The following SPHKAP variants were observed in gnomAD, a reference collection of about 807,000 sequenced individuals.
SPHKAP encodes SPHK1 interactor, AKAP domain containing.
Under a neutral mutation model 137.5 loss-of-function variants are expected in SPHKAP, and 67 were observed. That is an observed-to-expected ratio of 0.49 (90% CI 0.40 to 0.60). The LOEUF is 0.60. Ranked by LOEUF, SPHKAP falls within the 20% of genes least tolerant of loss-of-function variation. The pLI is 0.00. For missense variants in SPHKAP, 2,097 were observed against 2,069.3 expected (o/e 1.01, Z -0.26); for synonymous variants, 813 against 785.3 (o/e 1.04, Z -0.59).
At chr2:228,089,536 G>A (rs1455014419) in intron 3 of SPHKAP, among the ~76,000 whole-genome samples, 1 of 152,200 alleles carries the variant, frequency 6.6e-6, no homozygotes, top group African/African-American at 2.4e-5. Flanking sequence ...AAAGAGATTA[G>A]CATGACAAAA....
Position 228,170,820 on chromosome 2 carries a change from G to A in SPHKAP, c.32+10747C>T, listed in dbSNP as rs958726934. On this transcript the variant is annotated intron_variant, in intron 1 of 11. Transcript: ENST00000392056. ...GGAACCAAGCCTACCATATCGCTGG[G>A]GTATATCTCCTTTCCATCTTGTTTC... Among the ~76,000 whole-genome samples, 5 of 151,760 alleles carry A rather than the reference G, an allele frequency of 3.3e-5. 1 individual carries two copies. The highest frequency in any genetic ancestry group is 1.2e-4 in the African/African-American group (5 of 41,308).
At chr2:228,067,810 C>G (rs903391480) in intron 3 of SPHKAP, among the ~76,000 whole-genome samples, 2 of 152,066 alleles carry the variant, frequency 1.3e-5, no homozygotes, top group African/African-American at 4.8e-5. Flanking sequence ...ACAGTTGGTC[C>G]TCTGTATCTG....
chr2:227,992,118 C>T (rs553902207), intron 9 of SPHKAP, among the ~76,000 whole-genome samples: 6 of 152,202 alleles, frequency 3.9e-5, no homozygotes, highest in African/African-American at 1.4e-4. Flanking sequence ...AGTGGCTATC[C>T]TGGGAAGCCT....
Position 227,985,423 on chromosome 2 carries a change from T to C in SPHKAP, c.4960-3563A>G, listed in dbSNP as rs1396266445. 2.6e-5 allele frequency among the ~76,000 whole-genome samples: 4 copies of C among 152,204 alleles called. No homozygotes were observed. In the East Asian group the frequency reaches 7.7e-4, roughly 29 times the overall value. ...AAGTCAGAAAAGGACATTCTAGTTC[T>C]TTACCGGGCTTTTAAAACCATGTTT... On this transcript the variant is annotated intron_variant, in intron 11 of 11. Coordinates refer to ENST00000392056, the MANE Select transcript of SPHKAP (RefSeq NM_001142644.2).
intron 2 of SPHKAP, among the ~76,000 whole-genome samples, chr2:228,110,479 G>C (rs1319054455): frequency 6.6e-6 from 1 of 152,146 alleles, no homozygotes; most frequent in Admixed American, 6.5e-5. Context: ...GATTATTACT[G>C]CAGACTGACG....
intron 7 of SPHKAP, among the ~76,000 whole-genome samples, chr2:228,003,255 T>G (rs565060433): frequency 1.3e-5 from 2 of 152,330 alleles, no homozygotes; most frequent in South Asian, 4.1e-4. Context: ...AGCAGTGGTT[T>G]GTAGTTCTCC....
At chr2:228,141,718 A>G (rs1327245941) in intron 1 of SPHKAP, among the ~76,000 whole-genome samples, 2 of 152,194 alleles carry the variant, frequency 1.3e-5, no homozygotes, top group Non-Finnish European at 2.9e-5. Flanking sequence ...GTTCATGCGT[A>G]CAATTTTATA....
At chr2:228,107,822 C>T (rs1178499531) in intron 3 of SPHKAP, among the ~76,000 whole-genome samples, 1 of 152,144 alleles carries the variant, frequency 6.6e-6, no homozygotes, top group Non-Finnish European at 1.5e-5. Flanking sequence ...GAATCCTAGC[C>T]AGCAACTAAT....
At position 228,017,557 on chromosome 2, in the gene SPHKAP, G is replaced by A. The variant is rs1694655769; in HGVS notation, c.3297C>T (p.Ser1099=). Residue 1099 remains serine, a synonymous_variant, in exon 7 of 12, where the codon AGC becomes AGT. Coordinates refer to ENST00000392056, the MANE Select transcript of SPHKAP (RefSeq NM_001142644.2). The part of the protein sequence containing the change: ...EDSEARAYVN[S]LGLMSTLSQP... ...GGCTCAGCGTGCTCATTAAGCCCAG[G>A]CTGTTGACATAGGCCCTGGCCTCGG... 1.2e-6 allele frequency: 2 copies of A among 1,613,460 alleles called. No homozygotes were observed. The highest frequency in any genetic ancestry group is 1.3e-5 in the African/African-American group (1 of 74,914).
At chr2:228,036,993 C>G (rs1695640511) in intron 3 of SPHKAP, among the ~76,000 whole-genome samples, 1 of 152,020 alleles carries the variant, frequency 6.6e-6, no homozygotes, top group Admixed American at 6.6e-5. Flanking sequence ...TGTAACAAAC[C>G]TGCACATTGT....
chr2:228,132,676 C>G (rs949924676), intron 1 of SPHKAP: 3 of 159,650 alleles, frequency 1.9e-5, no homozygotes, highest in African/African-American at 7.2e-5. Flanking sequence ...GGCTTGACTA[C>G]GTACAGAGCT....
chr2:228,029,286 T>C (rs1695191216), intron 3 of SPHKAP, among the ~76,000 whole-genome samples: 1 of 152,236 alleles, frequency 6.6e-6, no homozygotes, highest in Non-Finnish European at 1.5e-5. Flanking sequence ...CCTGCAAATA[T>C]ATGGGGCTTT....
At chr2:228,176,610 C>T (rs1700748597) in intron 1 of SPHKAP, among the ~76,000 whole-genome samples, 1 of 152,234 alleles carries the variant, frequency 6.6e-6, no homozygotes, top group South Asian at 2.1e-4. Context: ...GCACGTGGCT[C>T]ACGCCTGTAA....
chr2:227,995,607 G>A lies in SPHKAP; in HGVS notation c.4536C>T (p.Ser1512=). 6.2e-7 allele frequency: 1 copy of A among 1,614,008 alleles called. No individual in the cohort carries two copies. The highest frequency in any genetic ancestry group is 2.2e-5 in the East Asian group (1 of 44,856). Residue 1512 remains serine (S), a synonymous_variant, in exon 8 of 12, where the codon AGC becomes AGT. Coordinates refer to ENST00000392056, the MANE Select transcript of SPHKAP (RefSeq NM_001142644.2). ...TCCAGCTGCCTGTGCTCTCCTCGCTGCTGCTTGGAGGGTTGGGGGCCTCAT... is the reference window on the plus strand; with the variant it reads ...TCCAGCTGCCTGTGCTCTCCTCGCTACTGCTTGGAGGGTTGGGGGCCTCAT... The part of the protein sequence containing the change: ...APDEAPNPPS[S]SEESTGSWTQ...
intron 3 of SPHKAP, among the ~76,000 whole-genome samples, chr2:228,103,048 C>T (rs1276490124): frequency 2.0e-5 from 3 of 152,118 alleles, no homozygotes; most frequent in Non-Finnish European, 4.4e-5. Context: ...CCAGGCCCCA[C>T]TCTTCAGTTT....
At position 228,021,713 on chromosome 2, in the gene SPHKAP, T is replaced by C. The variant is rs1243415757; in HGVS notation, c.695A>G (p.Asn232Ser). 1.9e-6 allele frequency: 3 copies of C among 1,611,538 alleles called. No homozygotes were observed. Among genetic ancestry groups the C allele is most frequent in the African/African-American group, 1.3e-5 (1 of 74,940 alleles). ...GGCACTAATTGGAAAGTTCTCACCG[T>C]TCCTAGATTCATCCACCTCGCTTTC... ...EEESEVDESR[N>S]DYENINVSAN... The change falls in exon 6 of 12, where the codon AAC (asparagine) becomes AGC (serine). Residue 232 changes from asparagine (N) to serine (S), a missense_variant and splice_region_variant. Physicochemically the swap from Asn to Ser is conservative, Grantham distance 46. Transcript: ENST00000392056.
chr2:228,059,803 T>G (rs2106285051), intron 3 of SPHKAP, among the ~76,000 whole-genome samples: 1 of 152,368 alleles, frequency 6.6e-6, no homozygotes, highest in South Asian at 2.1e-4. Context: ...CATAGGATTC[T>G]TTCCTTCAGT....
intron 1 of SPHKAP, among the ~76,000 whole-genome samples, chr2:228,140,286 A>G (rs1258028134): frequency 6.6e-6 from 1 of 151,846 alleles, no homozygotes; most frequent in Non-Finnish European, 1.5e-5. Flanking sequence ...AATGAGGTAT[A>G]TATTTTTCAG....
intron 7 of SPHKAP, among the ~76,000 whole-genome samples, chr2:228,011,742 G>A (rs1427542233): frequency 6.6e-6 from 1 of 152,058 alleles, no homozygotes; most frequent in Non-Finnish European, 1.5e-5. Flanking sequence ...ATTATACGGG[G>A]TATACTGTGA....
Sources: gnomAD v4.1 joint callset for allele counts (sites outside exome capture counted in the v4.1 genomes callset) on GRCh38, gnomAD v4.1.1 for gene constraint, MANE v1.5 for transcripts, NCBI Gene and HGNC (gene_info 2026-07-23, HGNC 2026-07-21) for gene names.